SLC8A1: variants seen among roughly 807,000 people sequenced by gnomAD.
SLC8A1 encodes the protein solute carrier family 8 member A1, also known as sodium/calcium exchanger 1.
Under a neutral mutation model 68.3 loss-of-function variants are expected in SLC8A1, and 18 were observed. That is an observed-to-expected ratio of 0.26 (90% confidence interval 0.18 to 0.39). The LOEUF is 0.39. Ranked by LOEUF, SLC8A1 falls within the 10% of genes least tolerant of loss-of-function variation. The pLI, the probability that SLC8A1 is intolerant of heterozygous loss-of-function variation, is 1.00. For missense variants in SLC8A1, 985 were observed against 1,156.7 expected (o/e 0.85, Z 2.15); for synonymous variants, 475 against 415.5 (o/e 1.14, Z -1.74).
At chr2:40,349,127 T>C (rs576233345) in intron 2 of SLC8A1, among the ~76,000 whole-genome samples, 1 of 152,266 alleles carries the variant, frequency 6.6e-6, no homozygotes, top group African/African-American at 2.4e-5. Flanking sequence ...GAATCCTTCA[T>C]CTAAATGAAG....
intron 2 of SLC8A1, among the ~76,000 whole-genome samples, chr2:40,267,924 T>G (rs1006967650): frequency 2.0e-5 from 3 of 152,224 alleles, no homozygotes; most frequent in African/African-American, 7.2e-5. Flanking sequence ...CAGGATGACA[T>G]GAGGGAGATT....
intron 1 of SLC8A1, among the ~76,000 whole-genome samples, chr2:40,481,898 T>C (rs1298229113): frequency 6.6e-6 from 1 of 152,138 alleles, no homozygotes; most frequent in East Asian, 1.9e-4. Flanking sequence ...TGAGTCAGGA[T>C]TATATAGATC....
intron 2 of SLC8A1, chr2:40,337,250 T>C: frequency 3.4e-6 from 1 of 294,526 alleles, no homozygotes; most frequent in South Asian, 2.8e-5. Context: ...TTTTGATATT[T>C]ATACATCAAA....
At chr2:40,190,655 G>A (rs1318446450) in intron 2 of SLC8A1, 2 of 152,176 alleles carry the variant, frequency 1.3e-5, no homozygotes, top group Admixed American at 1.3e-4. Flanking sequence ...CTCATGCAAT[G>A]CAAACAAATA....
chr2:40,287,905 G>A (rs2068609469), intron 2 of SLC8A1, among the ~76,000 whole-genome samples: 1 of 152,042 alleles, frequency 6.6e-6, no homozygotes, highest in Non-Finnish European at 1.5e-5. Context: ...AGGGATTCTG[G>A]AAAGAGGAAG....
At chr2:40,104,200 G>C (rs1203017301) in exon 8 of SLC8A1, 3 of 152,196 alleles carry the variant, frequency 2.0e-5, no homozygotes, top group African/African-American at 7.2e-5. Context: ...TAAAAGATGA[G>C]AGCTGGAGTT....
intron 2 of SLC8A1, among the ~76,000 whole-genome samples, chr2:40,201,122 A>G (rs1343562800): frequency 6.6e-6 from 1 of 151,720 alleles, no homozygotes; most frequent in Non-Finnish European, 1.5e-5. Context: ...CAAAAAAAAA[A>G]GAAAAGAAAA....
intron 1 of SLC8A1, among the ~76,000 whole-genome samples, chr2:40,463,128 G>A (rs1001401863): frequency 7.9e-5 from 12 of 152,146 alleles, no homozygotes; most frequent in African/African-American, 2.4e-4. Context: ...GGGCTTAGAC[G>A]TTTTCTAAGA....
rs564565716 is a variant in SLC8A1 at position 40,183,848 on chromosome 2, A to G, written c.1809-5993T>C. On this transcript the variant is annotated intron_variant, in intron 2 of 7. Transcript: ENST00000406785. Reference sequence around the variant, plus strand: ...AATCAAATTCTGCTTGTGGGAGCCCAGCATGAATATATTTAAAAAGTTTCT... The same window carrying G: ...AATCAAATTCTGCTTGTGGGAGCCCGGCATGAATATATTTAAAAAGTTTCT... Among the ~76,000 whole-genome samples, 3 of 152,322 alleles carry G rather than the reference A, an allele frequency of 2.0e-5. No homozygotes were observed. The East Asian group carries it at 5.8e-4, about 29-fold the overall frequency.
At chr2:40,475,564 A>T (rs578082118) in intron 1 of SLC8A1, among the ~76,000 whole-genome samples, 1 of 152,206 alleles carries the variant, frequency 6.6e-6, no homozygotes, top group Admixed American at 6.5e-5. Context: ...ATAATAATAT[A>T]CCCATTATGC....
intron 2 of SLC8A1, among the ~76,000 whole-genome samples, chr2:40,291,589 G>T (rs1325371370): frequency 6.6e-6 from 1 of 151,938 alleles, no homozygotes; most frequent in African/African-American, 2.4e-5. Context: ...TCTATAAATG[G>T]CATAATTTGA....
chr2:40,248,962 C>T (rs967775448), intron 2 of SLC8A1, among the ~76,000 whole-genome samples: 1 of 152,090 alleles, frequency 6.6e-6, no homozygotes, highest in South Asian at 2.1e-4. Context: ...TTCCACATCA[C>T]CAGGGGCAGA....
At chr2:40,134,091 G>T (rs7581579) in intron 7 of SLC8A1, among the ~76,000 whole-genome samples, 4 of 50,088 alleles carry the variant, frequency 8.0e-5, no homozygotes, top group African/African-American at 3.0e-4. Context: ...TTGTTTGTTT[G>T]TTTGTGTTTT....
At chr2:40,275,335 C>A (rs953287022) in intron 2 of SLC8A1, among the ~76,000 whole-genome samples, 1 of 152,242 alleles carries the variant, frequency 6.6e-6, no homozygotes, top group African/African-American at 2.4e-5. Context: ...ATGTTCTTAA[C>A]TTATCCTTAA....
At chr2:40,244,409 A>G (rs901886017) in intron 2 of SLC8A1, among the ~76,000 whole-genome samples, 1 of 152,106 alleles carries the variant, frequency 6.6e-6, no homozygotes, top group Admixed American at 6.5e-5. Flanking sequence ...TATGAAGGCC[A>G]GGCTGGGAGT....
chr2:40,310,222 C>A (rs79781044), intron 2 of SLC8A1, among the ~76,000 whole-genome samples: 4 of 152,104 alleles, frequency 2.6e-5, no homozygotes, highest in Non-Finnish European at 2.9e-5. Flanking sequence ...TGGTGCAGAC[C>A]CAGTCCAGTC....
chr2:40,390,090 T>C (rs10176856), intron 2 of SLC8A1, among the ~76,000 whole-genome samples: 12,076 of 152,052 alleles, frequency 0.079, 1,556 homozygotes, highest in African/African-American at 0.27. Context: ...TATTAGGCAA[T>C]TGTAATGGAA....
intron 1 of SLC8A1, among the ~76,000 whole-genome samples, chr2:40,443,794 C>A (rs1435236019): frequency 6.6e-6 from 1 of 152,302 alleles, no homozygotes; most frequent in East Asian, 1.9e-4. Flanking sequence ...ATTCTGCTAA[C>A]AATCTGCAGC....
intron 1 of SLC8A1, among the ~76,000 whole-genome samples, chr2:40,471,644 T>A (rs1226667478): frequency 2.0e-5 from 3 of 152,142 alleles, no homozygotes; most frequent in African/African-American, 7.2e-5. Flanking sequence ...AATAAGAAGT[T>A]ACTGACCTCA....
Sources: gnomAD v4.1 joint callset for allele counts (sites outside exome capture counted in the v4.1 genomes callset) on GRCh38, gnomAD v4.1.1 for gene constraint, MANE v1.5 for transcripts, NCBI Gene and HGNC (gene_info 2026-07-23, HGNC 2026-07-21) for gene names.